CATIP: variants seen among roughly 807,000 people sequenced by gnomAD.
The protein encoded by CATIP is ciliogenesis-associated TTC17-interacting protein.
Under a neutral mutation model 42.5 loss-of-function variants are expected in CATIP, and 40 were observed. The ratio of observed to expected loss-of-function variants is 0.94; its 90% CI spans 0.73 to 1.22. The LOEUF (loss-of-function observed/expected upper bound fraction) is 1.22, where lower values mean the gene tolerates loss of function less well. Ranked by LOEUF, CATIP falls within the 50% of genes most tolerant of loss-of-function variation. The probability of loss-of-function intolerance (pLI) is 0.00; values close to 1 mark genes in which losing one functional copy is unlikely to be tolerated. For missense variants in CATIP, 489 were observed against 496.0 expected (o/e 0.99, Z 0.13); for synonymous variants, 222 against 200.2 (o/e 1.11, Z -0.92).
intron 5 of CATIP, 108 bp from the exon 6 acceptor site, chr2:218,362,627 C>T (rs1385593795): frequency 8.9e-7 from 1 of 1,119,860 alleles, no homozygotes; most frequent in African/African-American, 1.6e-5. Context: ...AAGCGAAACT[C>T]TGTCTCAAAA....
At position 218,367,997 on chromosome 2, in the gene CATIP, A is replaced by C. The variant is rs773646123; in HGVS notation, c.*33A>C. On this transcript the variant is annotated 3_prime_UTR_variant, in exon 10 of 10. Coordinates refer to ENST00000289388, the MANE Select transcript of CATIP (RefSeq NM_198559.2). ...CCAGGCCCGGACAGGGCAGGAAACC[A>C]GGGGTCGGGCTGGGACGCGGGCGGG... 6 of 1,502,352 alleles carry C rather than the reference A, an allele frequency of 4.0e-6. No individual in the cohort carries two copies. The highest frequency in any genetic ancestry group is 3.7e-5 in the South Asian group (3 of 80,746). The allele number at this position is 1,502,352 out of a possible 1,614,324, so 93.1% of individuals were successfully genotyped here. A position where few individuals can be genotyped will look rare whatever the true frequency, so the allele number is the denominator to read the frequency against.
At chr2:218,365,231 G>C (rs910868804) in intron 7 of CATIP, among the ~76,000 whole-genome samples, 1 of 152,078 alleles carries the variant, frequency 6.6e-6, no homozygotes, top group African/African-American at 2.4e-5. Flanking sequence ...TGGCTGACAC[G>C]GTGAAACCCC....
At chr2:218,361,427 G>C (rs1695231439) in intron 5 of CATIP, among the ~76,000 whole-genome samples, 1 of 152,046 alleles carries the variant, frequency 6.6e-6, no homozygotes. Context: ...ACAACTCGAG[G>C]CAGGGAGGGG....
At position 218,367,076 on chromosome 2, in the gene CATIP, A is replaced by C; in HGVS notation, c.808A>C (p.Lys270Gln). 3 of 1,613,820 alleles carry C rather than the reference A, an allele frequency of 1.9e-6. No homozygotes were observed. The South Asian group carries it at 3.3e-5, about 18-fold the overall frequency. The change falls in exon 8 of 10, where the codon AAG becomes CAG. Residue 270 changes from lysine (K) to glutamine (Q), a missense_variant. By Grantham distance (53) the Lys-to-Gln change is moderately conservative. Transcript: ENST00000289388. The part of the protein sequence containing the change: ...VGSPGCCIIT[K>Q]MPILREEDEI... ...CTCCCCAGGGTGCTGCATCATCACCAAGATGCCCATCTTGAGGGAAGAGGG... is the reference window on the plus strand; with the variant it reads ...CTCCCCAGGGTGCTGCATCATCACCCAGATGCCCATCTTGAGGGAAGAGGG...
intron 5 of CATIP, 108 bp downstream of exon 5, chr2:218,360,767 G>T: frequency 2.6e-6 from 2 of 782,996 alleles, no homozygotes; most frequent in Non-Finnish European, 4.2e-6. Flanking sequence ...TTAAGGACGC[G>T]CACATGACAC....
At chr2:218,357,493 G>A (rs1695070732) in intron 2 of CATIP, 41 bp from the exon 3 acceptor site, 1 of 1,563,136 alleles carries the variant, frequency 6.4e-7, no homozygotes, top group Non-Finnish European at 8.8e-7. Context: ...TGGGGCCCAG[G>A]AGCAGGGGCT....
At chr2:218,365,168 A>G (rs968174443) in intron 7 of CATIP, among the ~76,000 whole-genome samples, 25 of 152,178 alleles carry the variant, frequency 1.6e-4, no homozygotes, top group Non-Finnish European at 3.1e-4. Context: ...TAATCCCAGC[A>G]CTTTGGGAGG....
chr2:218,356,946 C>T, intron 1 of CATIP, 37 bp downstream of exon 1: 6 of 1,612,320 alleles, frequency 3.7e-6, no homozygotes, highest in Non-Finnish European at 5.1e-6. Flanking sequence ...GGCGGGGATC[C>T]TCTTCTTTCT....
chr2:218,357,115 C>T lies in CATIP; in HGVS notation c.46C>T (p.Gln16Ter), dbSNP rs1180598480. Reference sequence around the variant, plus strand: ...TGTAGGCTCCAGAGCTAAGGACCACCAGCCCTCGGGTCCGGAGTGTCTGCC... The same window carrying T: ...TGTAGGCTCCAGAGCTAAGGACCACTAGCCCTCGGGTCCGGAGTGTCTGCC... The part of the protein sequence containing the change: ...YSTGSRAKDH[Q>*]PSGPECLPLP... Residue 16 changes from glutamine (Q) to a stop codon, truncating the protein, a stop_gained, in exon 2 of 10, where the codon CAG (glutamine) becomes TAG (stop). Coordinates refer to ENST00000289388, the MANE Select transcript of CATIP (RefSeq NM_198559.2). LOFTEE classifies it high-confidence loss of function. 2 of 1,613,804 alleles carry T rather than the reference C, an allele frequency of 1.2e-6. No homozygotes were observed. The highest frequency in any genetic ancestry group is 3.3e-5 in the Admixed American group (2 of 59,970).
At chr2:218,358,192 A>T (rs1175795532) in intron 4 of CATIP, 100 bp downstream of exon 4, 1 of 894,190 alleles carries the variant, frequency 1.1e-6, no homozygotes, top group South Asian at 1.6e-5. Context: ...CCTATTACAT[A>T]CACAGTGAAG....
intron 3 of CATIP, 51 bp from the exon 4 acceptor site, chr2:218,357,986 C>A: frequency 1.9e-6 from 3 of 1,560,650 alleles, no homozygotes; most frequent in Non-Finnish European, 2.7e-6. Context: ...CTTCCTTCAG[C>A]CTCTGACCCA....
chr2:218,357,940 A>G (rs1474454466), intron 3 of CATIP, 97 bp from the exon 4 acceptor site: 2 of 1,240,446 alleles, frequency 1.6e-6, no homozygotes, highest in Admixed American at 3.4e-5. Flanking sequence ...CTGGGACCGT[A>G]TTACACCTAG....
At position 218,364,608 on chromosome 2, in the gene CATIP, C is replaced by T; in HGVS notation, c.631-20C>T. 1 of 1,612,704 alleles carries T rather than the reference C, an allele frequency of 6.2e-7. No homozygotes were observed. ...GGGCATCCACCTTACCTCCCACCCC[C>T]CAATTTTGGCTGTTGCCAGCAAAAC... On this transcript the variant is annotated intron_variant, in intron 6 of 9. Transcript: ENST00000289388.
chr2:218,365,039 A>G (rs6745037), intron 7 of CATIP, among the ~76,000 whole-genome samples: 13,139 of 152,202 alleles, frequency 0.086, 637 homozygotes, highest in Non-Finnish European at 0.11. Flanking sequence ...ATGACTGCAC[A>G]CTTGATGAAA....
At chr2:218,357,462 C>A in intron 2 of CATIP, 72 bp from the exon 3 acceptor site, 2 of 1,303,842 alleles carry the variant, frequency 1.5e-6, no homozygotes, top group Non-Finnish European at 2.2e-6. Flanking sequence ...CACTGGTGGT[C>A]ATGGGGTCAG....
chr2:218,367,254 C>T (rs1252090512), intron 8 of CATIP, 154 bp downstream of exon 8: 1 of 775,734 alleles, frequency 1.3e-6, no homozygotes, highest in African/African-American at 1.7e-5. Flanking sequence ...GCCCCTGACC[C>T]CAAGCAATAA....
chr2:218,357,643 G>C lies in CATIP; in HGVS notation c.228G>C (p.Gln76His). The change falls in exon 3 of 10, where the codon CAG (glutamine) becomes CAC (histidine). Residue 76 changes from glutamine to histidine, a missense_variant. By Grantham distance (24) the Gln-to-His change is conservative. Transcript: ENST00000289388. ...LTIEVQRGKYQEKLGMLTYCL... is the reference protein window; with the variant it reads ...LTIEVQRGKYHEKLGMLTYCL... ...TTGAGGTGCAGAGAGGGAAATACCA[G>C]GAAAAACTCGGCATGCTGACATACT... is the stretch of plus-strand genomic sequence containing the variant. The C allele has an allele frequency of 1.2e-6, 2 of 1,614,096 alleles. No individual in the cohort carries two copies. Among genetic ancestry groups the C allele is most frequent in the Non-Finnish European group, 1.7e-6 (2 of 1,180,008 alleles).
intron 5 of CATIP, among the ~76,000 whole-genome samples, chr2:218,362,029 A>AAG (rs1167949847): frequency 2.6e-5 from 4 of 151,692 alleles, no homozygotes; most frequent in Non-Finnish European, 5.9e-5. Context: ...GAAAAAAAAA[A>AAG]AAGACAAGGA....
At position 218,360,651 on chromosome 2, in the gene CATIP, G is replaced by A. The variant is rs1343567432; in HGVS notation, c.454G>A (p.Glu152Lys). ...DQLAVTRSIK[E>K]GEEVKTGVTS... The stretch of plus-strand genomic sequence containing the variant: ...GCTGGCTGTGACCAGAAGTATCAAG[G>A]AGGGTGAGGTAAGGATGAGAGCCAG... The change falls in exon 5 of 10, where the codon GAG becomes AAG. Residue 152 changes from glutamate to lysine, a missense_variant. Glu to Lys is a moderately conservative substitution (Grantham distance 56). Coordinates refer to ENST00000289388, the MANE Select transcript of CATIP (RefSeq NM_198559.2). The A allele has an allele frequency of 3.1e-6, 5 of 1,613,356 alleles. No homozygotes were observed. The highest frequency in any genetic ancestry group is 4.2e-6 in the Non-Finnish European group (5 of 1,179,570).
Sources: gnomAD v4.1 joint callset for allele counts (sites outside exome capture counted in the v4.1 genomes callset) on GRCh38, gnomAD v4.1.1 for gene constraint, MANE v1.5 for transcripts, NCBI Gene and HGNC (gene_info 2026-07-23, HGNC 2026-07-21) for gene names.